Variants in OPA1 observed in about 807,000 individuals in gnomAD.
The protein encoded by OPA1 is OPA1 mitochondrial dynamin like GTPase.
OPA1 carries 59 observed loss-of-function variants against 152.9 expected under a neutral mutation model. The ratio of observed to expected loss-of-function variants is 0.39; its 90% CI spans 0.31 to 0.48. The LOEUF (loss-of-function observed/expected upper bound fraction) is 0.48, where lower values mean the gene tolerates loss of function less well. Among genes scored for constraint, OPA1 ranks in the 20% least tolerant of loss-of-function variants. The pLI, the probability that OPA1 is intolerant of heterozygous loss-of-function variation, is 0.96. For synonymous variants in OPA1, 400 were observed against 389.9 expected (o/e 1.03, Z -0.31); for missense variants, 1,008 against 1,216.8 (o/e 0.83, Z 2.55).
chr3:193,667,063 T>TTCTA (rs1716725751), intron 28 of OPA1, 107 bp from the exon 29 acceptor site: 8 of 688,358 alleles, frequency 1.2e-5, no homozygotes, highest in African/African-American at 1.8e-5. Flanking sequence ...TTAGCAATAG[T>TTCTA]TCTAACATGA....
At chr3:193,613,816 G>GATTC (rs1377169582) in intron 1 of OPA1, 2 of 454,630 alleles carry the variant, frequency 4.4e-6, no homozygotes, top group Non-Finnish European at 8.6e-6. Context: ...GACCTCAGGT[G>GATTC]ATTCACCCAC....
rs766758148 is a variant in OPA1, at chr3:193,654,944, A to G, written c.2095A>G (p.Met699Val). 6.8e-6 allele frequency: 11 copies of G among 1,614,002 alleles called. No individual in the cohort carries two copies. The South Asian group carries it at 1.1e-4, about 16-fold the overall frequency. The change falls in exon 22 of 31, where the codon ATG (methionine) becomes GTG (valine). Residue 699 changes from methionine (M) to valine (V), a missense_variant. By Grantham distance (21) the Met-to-Val change is conservative. This residue lies in a region of OPA1 where 229 missense variants were observed against 269.0 expected (regional missense o/e 0.85). Transcript: ENST00000361510. ...ENIYLPAAQT[M>V]NSGTFNTTVD... ...CATCTACCTTCCAGCTGCGCAGACCATGAATTCAGGAACTTTTAACACCAC... is the reference window on the plus strand; with the variant it reads ...CATCTACCTTCCAGCTGCGCAGACCGTGAATTCAGGAACTTTTAACACCAC...
At chr3:193,607,410 A>C (rs1414279668) in intron 1 of OPA1, among the ~76,000 whole-genome samples, 9 of 152,148 alleles carry the variant, frequency 5.9e-5, no homozygotes, top group Non-Finnish European at 1.2e-4. Flanking sequence ...GTCTAAATTA[A>C]GTCTTTAATC....
intron 1 of OPA1, among the ~76,000 whole-genome samples, chr3:193,602,121 G>C (rs1726557469): frequency 6.6e-6 from 1 of 152,204 alleles, no homozygotes; most frequent in African/African-American, 2.4e-5. Context: ...GTGATCTAGG[G>C]AAAGCTGTCT....
intron 16 of OPA1, among the ~76,000 whole-genome samples, chr3:193,644,651 T>C (rs530056): frequency 0.97 from 148,304 of 152,246 alleles, 72,266 homozygotes; most frequent in Middle Eastern, 1. Flanking sequence ...ATAACCTCTG[T>C]TCTGCTTTCT....
intron 29 of OPA1, among the ~76,000 whole-genome samples, chr3:193,667,828 A>G (rs1048539765): frequency 6.6e-6 from 1 of 152,190 alleles, no homozygotes; most frequent in Non-Finnish European, 1.5e-5. Context: ...ATAAATTACA[A>G]TATCTAATTC....
intron 1 of OPA1, among the ~76,000 whole-genome samples, chr3:193,611,596 CAAAAAAAAAA>C (rs35159597): frequency 5.8e-5 from 4 of 68,794 alleles, no homozygotes; most frequent in Non-Finnish European, 1.1e-4. Context: ...GACTCCACCT[CAAAAAAAAAA>C]AAAAAAAAAA....
At chr3:193,618,971 C>T (rs1729536175) in intron 6 of OPA1, 35 bp downstream of exon 6, 2 of 1,533,006 alleles carry the variant, frequency 1.3e-6, no homozygotes, top group African/African-American at 1.4e-5. Context: ...TGTAGGTAGT[C>T]TTGAAAGATT....
At chr3:193,671,449 A>G (rs1281569388) in intron 29 of OPA1, among the ~76,000 whole-genome samples, 2 of 152,196 alleles carry the variant, frequency 1.3e-5, no homozygotes, top group African/African-American at 2.4e-5. Flanking sequence ...GAGCTGCTCC[A>G]GTTGGAAGAG....
chr3:193,596,311 C>CT (rs1283308299), intron 1 of OPA1, among the ~76,000 whole-genome samples: 14,257 of 95,400 alleles, frequency 0.15, 820 homozygotes, highest in African/African-American at 0.21. Flanking sequence ...TTTTCTTTTC[C>CT]TTTCCTTTCC....
At chr3:193,626,586 T>G (rs1731191800) in intron 7 of OPA1, among the ~76,000 whole-genome samples, 1 of 152,218 alleles carries the variant, frequency 6.6e-6, no homozygotes, top group Non-Finnish European at 1.5e-5. Context: ...TTGCTGTAGA[T>G]GACCAGTTTA....
Position 193,643,644 on chromosome 3 carries a change from G to T in OPA1, c.1477+17G>T. The T allele has an allele frequency of 1.9e-6, 3 of 1,574,984 alleles. No individual in the cohort carries two copies. The highest frequency in any genetic ancestry group is 2.6e-6 in the Non-Finnish European group (3 of 1,145,356). On this transcript the variant is annotated intron_variant, in intron 15 of 30. Transcript: ENST00000361510. ...GTATTCAAGGTAAATCATATCAAAA[G>T]ATTTTAATGTACTGATATGTTTTCT...
At chr3:193,638,461 C>T (rs1015744174) in intron 11 of OPA1, among the ~76,000 whole-genome samples, 1 of 152,262 alleles carries the variant, frequency 6.6e-6, no homozygotes, top group East Asian at 1.9e-4. Context: ...GTTTTTAACC[C>T]TTTTCCTGTT....
chr3:193,626,344 T>A (rs1177373110), intron 7 of OPA1, 142 bp downstream of exon 7: 2 of 679,522 alleles, frequency 2.9e-6, no homozygotes, highest in Non-Finnish European at 5.3e-6. Flanking sequence ...ATGCATCATA[T>A]AAATATGTAA....
intron 1 of OPA1, among the ~76,000 whole-genome samples, chr3:193,600,310 C>T (rs1726272050): frequency 6.6e-6 from 1 of 152,206 alleles, no homozygotes; most frequent in African/African-American, 2.4e-5. Context: ...GAGTCTCACA[C>T]ATCTTCTTTG....
At chr3:193,686,067 T>C (rs759790437) in intron 29 of OPA1, among the ~76,000 whole-genome samples, 8 of 152,236 alleles carry the variant, frequency 5.3e-5, no homozygotes, top group Non-Finnish European at 1.0e-4. Flanking sequence ...TCATCAAATG[T>C]TTCTTTCATT....
intron 29 of OPA1, among the ~76,000 whole-genome samples, chr3:193,685,030 G>T (rs1720741257): frequency 6.6e-6 from 1 of 151,938 alleles, no homozygotes; most frequent in Non-Finnish European, 1.5e-5. Flanking sequence ...GACCAGGCGC[G>T]GTGGTTCACG....
intron 1 of OPA1, among the ~76,000 whole-genome samples, chr3:193,608,309 A>G (rs939157548): frequency 6.6e-6 from 1 of 152,124 alleles, no homozygotes; most frequent in African/African-American, 2.4e-5. Flanking sequence ...TGTCAATTTT[A>G]GATCTTTCCT....
rs535999762 is a variant in OPA1 at position 193,675,312 on chromosome 3, A to ATT, written c.2983+8043_2983+8044dup. Among the ~76,000 whole-genome samples the ATT allele has an allele frequency of 4.1e-5, 5 of 120,642 alleles. No individual in the cohort carries two copies. The South Asian group carries it at 8.1e-4, about 20-fold the overall frequency. The allele number at this position is 120,642 out of a possible 152,430, so 79.1% of individuals were successfully genotyped here. A position where few individuals can be genotyped will look rare whatever the true frequency, so the allele number is the denominator to read the frequency against. ...TTCTAGGTATGTAGGTTCAGAGGAG[A>ATT]TTTTTTTTTTTTAAGAAAAAAAAAA... On this transcript the variant is annotated intron_variant, in intron 29 of 30. Transcript: ENST00000361510.
Sources: gnomAD v4.1 joint callset for allele counts (sites outside exome capture counted in the v4.1 genomes callset) on GRCh38, gnomAD v4.1.1 for gene constraint, gnomAD v4.1.1 regional missense constraint, MANE v1.5 for transcripts, NCBI Gene and HGNC (gene_info 2026-07-23, HGNC 2026-07-21) for gene names.